The following RASGRF1 variants were observed in gnomAD, a reference collection of about 807,000 sequenced individuals.
RASGRF1 encodes Ras protein specific guanine nucleotide releasing factor 1, also known as ras-specific guanine nucleotide-releasing factor 1.
Under a neutral mutation model 138.7 loss-of-function variants are expected in RASGRF1, and 40 were observed. That is an observed-to-expected ratio of 0.29 (90% confidence interval 0.22 to 0.38). The LOEUF (loss-of-function observed/expected upper bound fraction) is 0.38. Among genes scored for constraint, RASGRF1 ranks in the 10% least tolerant of loss-of-function variants. The pLI, the probability that RASGRF1 is intolerant of heterozygous loss-of-function variation, is 1.00. For synonymous variants in RASGRF1, 614 were observed against 663.2 expected, an observed-to-expected ratio of 0.93 and a Z score of 1.14; for missense variants, 1,108 against 1,650.4, an observed-to-expected ratio of 0.67 and a Z score of 5.69.
chr15:79,061,514 C>T (rs144712661), intron 2 of RASGRF1, among the ~76,000 whole-genome samples: 17 of 150,350 alleles, frequency 1.1e-4, no homozygotes, highest in South Asian at 4.2e-4. Context: ...TTTTGATAAA[C>T]GCATGCACTC....
intron 3 of RASGRF1, among the ~76,000 whole-genome samples, chr15:79,054,128 G>A (rs2057475578): frequency 6.6e-6 from 1 of 152,250 alleles, no homozygotes; most frequent in South Asian, 2.1e-4. Flanking sequence ...GTGTTGTGCA[G>A]ATGGCCAATG....
intron 1 of RASGRF1, among the ~76,000 whole-genome samples, chr15:79,078,191 G>A (rs2057865813): frequency 1.3e-5 from 2 of 151,206 alleles, no homozygotes; most frequent in Non-Finnish European, 3.0e-5. Context: ...CCTGGCCCAG[G>A]GTCCATCTTC....
chr15:79,022,139 G>A (rs1434799661), intron 10 of RASGRF1, among the ~76,000 whole-genome samples: 1 of 152,170 alleles, frequency 6.6e-6, no homozygotes, highest in African/African-American at 2.4e-5. Flanking sequence ...TGTGCTAAGA[G>A]ACTTTTAAAA....
chr15:79,052,215 C>T (rs182764635), intron 3 of RASGRF1, among the ~76,000 whole-genome samples: 14 of 152,224 alleles, frequency 9.2e-5, no homozygotes, highest in South Asian at 4.2e-4. Flanking sequence ...GCTTTGGGCA[C>T]GGTGCAATGG....
chr15:79,072,271 T>C (rs1337496287), intron 1 of RASGRF1, among the ~76,000 whole-genome samples: 2 of 92,874 alleles, frequency 2.2e-5, no homozygotes, highest in African/African-American at 1.4e-4. Context: ...AACAATCTTT[T>C]TTTTTTTTTT....
At chr15:78,992,804 A>G (rs1022419379) in intron 20 of RASGRF1, among the ~76,000 whole-genome samples, 1 of 152,192 alleles carries the variant, frequency 6.6e-6, no homozygotes, top group Non-Finnish European at 1.5e-5. Flanking sequence ...TCCCAAGGGA[A>G]GTGGGGCCAT....
At chr15:79,031,937 C>T (rs933578538) in intron 7 of RASGRF1, among the ~76,000 whole-genome samples, 186 bp downstream of exon 7, 2 of 152,042 alleles carry the variant, frequency 1.3e-5, no homozygotes, top group East Asian at 1.9e-4. Context: ...AGAAAGGTGG[C>T]GTGGACAGGC....
At chr15:79,048,857 T>C (rs2141029194) in intron 4 of RASGRF1, among the ~76,000 whole-genome samples, 1 of 152,232 alleles carries the variant, frequency 6.6e-6, no homozygotes, top group African/African-American at 2.4e-5. Context: ...TTAGGGTGAG[T>C]CAGGCTCCCC....
intron 10 of RASGRF1, among the ~76,000 whole-genome samples, chr15:79,022,417 G>C (rs1187894911): frequency 2.0e-5 from 3 of 151,980 alleles, no homozygotes; most frequent in Non-Finnish European, 4.4e-5. Flanking sequence ...TCCAGCCTGG[G>C]TGACAAGAGC....
chr15:78,968,280 T>TGTGTGTGTGTGTGTG (rs1567417655), intron 26 of RASGRF1, among the ~76,000 whole-genome samples: 31 of 65,520 alleles, frequency 4.7e-4, no homozygotes, highest in African/African-American at 2.2e-3. Context: ...GTGTGTGTGT[T>TGTGTGTGTGTGTGTG]TTATTTTTAG....
Position 79,027,474 on chromosome 15 carries a change from A to C in RASGRF1, c.1381+267T>G, listed in dbSNP as rs1329059526. Among the ~76,000 whole-genome samples the C allele has an allele frequency of 6.6e-6, 1 of 152,196 alleles. No individual in the cohort carries two copies. The highest frequency in any genetic ancestry group is 1.5e-5 in the Non-Finnish European group (1 of 68,030). ...TGTTTACTATGACATACAATAGACAAACCAAGGCCATCTGGGTAGAATTCT... is the reference window on the plus strand; with the variant it reads ...TGTTTACTATGACATACAATAGACACACCAAGGCCATCTGGGTAGAATTCT... On this transcript the variant is annotated intron_variant, in intron 9 of 26. Coordinates refer to ENST00000558480, the MANE Select transcript of RASGRF1 (RefSeq NM_001145648.3). This position sits in a 1 kb window ranked among gnomAD's most constrained non-coding sequence, Gnocchi z 4.8.
intron 10 of RASGRF1, among the ~76,000 whole-genome samples, chr15:79,021,848 C>T (rs921603350): frequency 1.3e-5 from 2 of 152,126 alleles, no homozygotes; most frequent in African/African-American, 4.8e-5. Flanking sequence ...GTTCTTGCCC[C>T]ATAGTAAGCA....
intron 26 of RASGRF1, among the ~76,000 whole-genome samples, chr15:78,964,711 A>AT (rs1300364931): frequency 6.6e-6 from 1 of 152,198 alleles, no homozygotes; most frequent in African/African-American, 2.4e-5. Flanking sequence ...TTATCTTAAT[A>AT]TTTTTTATTG....
At chr15:78,977,529 C>T (rs999727317) in intron 24 of RASGRF1, among the ~76,000 whole-genome samples, 1 of 152,192 alleles carries the variant, frequency 6.6e-6, no homozygotes, top group Admixed American at 6.5e-5. Context: ...GAGATAGATA[C>T]TTGGCTTTGC....
intron 13 of RASGRF1, among the ~76,000 whole-genome samples, chr15:79,012,174 G>A (rs1226648816): frequency 6.6e-6 from 1 of 151,910 alleles, no homozygotes; most frequent in Non-Finnish European, 1.5e-5. Context: ...CACTCTCCTC[G>A]ACCCTGCACT....
At chr15:78,963,711 G>T (rs1260720784) in intron 26 of RASGRF1, among the ~76,000 whole-genome samples, 1 of 152,174 alleles carries the variant, frequency 6.6e-6, no homozygotes, top group African/African-American at 2.4e-5. Context: ...GTTGGAACCG[G>T]CTGTCTGCTA....
intron 15 of RASGRF1, 125 bp downstream of exon 15, chr15:79,003,677 C>A: frequency 7.1e-7 from 1 of 1,412,304 alleles, no homozygotes. Flanking sequence ...CCTGGTGGGA[C>A]CCCCAAGCCT....
At chr15:78,979,158 C>T in intron 24 of RASGRF1, 1 of 1,289,110 alleles carries the variant, frequency 7.8e-7, no homozygotes, top group Non-Finnish European at 1.0e-6. Flanking sequence ...TCTCGGGAGC[C>T]CAGGCAGAAG....
At chr15:78,985,954 T>C (rs1427115575) in intron 22 of RASGRF1, 2 of 124,382 alleles carry the variant, frequency 1.6e-5, no homozygotes, top group Non-Finnish European at 3.5e-5. Context: ...AAAAAAAATC[T>C]GAAAACAAAC....
Sources: allele counts gnomAD v4.1 joint callset (sites outside exome capture counted in the v4.1 genomes callset), GRCh38; gene constraint gnomAD v4.1.1; non-coding constraint Gnocchi (gnomAD v3.1); transcripts MANE v1.5; gene names NCBI Gene and HGNC (gene_info 2026-07-23, HGNC 2026-07-21).